The following BZW2 variants were observed in gnomAD, a reference collection of about 807,000 sequenced individuals.
The protein encoded by BZW2 is basic leucine zipper and W2 domains 2, also known as eIF5-mimic protein 1.
In BZW2, 23 loss-of-function variants were observed where a neutral mutation model predicts 53.2. The ratio of observed to expected loss-of-function variants is 0.43; its 90% confidence interval spans 0.31 to 0.61. BZW2 has a LOEUF of 0.61. Among genes scored for constraint, BZW2 ranks in the 20% least tolerant of loss-of-function variants. BZW2 has a pLI of 0.09. For missense variants in BZW2, 409 were observed against 503.1 expected (o/e 0.81, Z 1.79); for synonymous variants, 227 against 186.4 (o/e 1.22, Z -1.77).
intron 2 of BZW2, among the ~76,000 whole-genome samples, chr7:16,669,815 G>T (rs903615662): frequency 6.6e-6 from 1 of 152,150 alleles, no homozygotes; most frequent in Admixed American, 6.5e-5. Flanking sequence ...TGATTCACCA[G>T]CACAGTTTAA....
intron 1 of BZW2, among the ~76,000 whole-genome samples, chr7:16,651,884 T>C (rs1781991065): frequency 6.6e-6 from 1 of 152,218 alleles, no homozygotes; most frequent in Non-Finnish European, 1.5e-5. Flanking sequence ...TTAATATTTA[T>C]GCGCTACTCC....
intron 1 of BZW2, among the ~76,000 whole-genome samples, chr7:16,659,423 A>G (rs1029413191): frequency 6.6e-6 from 1 of 152,208 alleles, no homozygotes; most frequent in African/African-American, 2.4e-5. Flanking sequence ...TATTATAGGC[A>G]TATAGTTAGT....
intron 5 of BZW2, among the ~76,000 whole-genome samples, chr7:16,685,432 T>G (rs1192985666): frequency 6.6e-6 from 1 of 151,622 alleles, no homozygotes; most frequent in Non-Finnish European, 1.5e-5. Context: ...TTTGTTTGTG[T>G]GGGGCTTTTT....
intron 8 of BZW2, chr7:16,695,885 A>G (rs1783467099): frequency 6.6e-6 from 1 of 152,222 alleles, no homozygotes; most frequent in African/African-American, 2.4e-5. Flanking sequence ...GGATAGCAGT[A>G]TATTTAATCA....
chr7:16,656,106 T>C (rs767252073), intron 1 of BZW2, among the ~76,000 whole-genome samples: 2 of 151,098 alleles, frequency 1.3e-5, no homozygotes, highest in Non-Finnish European at 2.9e-5. Flanking sequence ...TATGTATATA[T>C]ACATATATAT....
At chr7:16,677,198 C>A (rs1782793072) in intron 3 of BZW2, among the ~76,000 whole-genome samples, 1 of 152,134 alleles carries the variant, frequency 6.6e-6, no homozygotes, top group African/African-American at 2.4e-5. Context: ...ACTGTGCTCT[C>A]AGGCAATAGA....
chr7:16,681,344 G>T lies in BZW2; in HGVS notation c.279G>T (p.Met93Ile). The change falls in exon 4 of 12, where the codon ATG becomes ATT. Residue 93 changes from methionine to isoleucine, a missense_variant. Met to Ile is a conservative substitution (Grantham distance 10). Coordinates refer to ENST00000258761, the MANE Select transcript of BZW2 (RefSeq NM_014038.3). ...TRIDDGDKTK[M>I]TNHCVFSANE... The stretch of plus-strand genomic sequence containing the variant: ...TAGATGATGGTGACAAGACCAAGAT[G>T]ACCAACCACTGTGTGTTTTCAGCAA... 1 of 1,613,970 alleles carries T rather than the reference G, an allele frequency of 6.2e-7. No homozygotes were observed. The highest frequency in any genetic ancestry group is 1.1e-5 in the South Asian group (1 of 91,036).
intron 10 of BZW2, among the ~76,000 whole-genome samples, chr7:16,704,067 A>G (rs911936117): frequency 1.3e-5 from 2 of 152,144 alleles, no homozygotes; most frequent in Non-Finnish European, 2.9e-5. Flanking sequence ...TCATTATTGC[A>G]TACTATCTAC....
chr7:16,660,867 C>A (rs529293264), intron 1 of BZW2, among the ~76,000 whole-genome samples: 1 of 152,064 alleles, frequency 6.6e-6, no homozygotes, highest in African/African-American at 2.4e-5. Context: ...GGGGTCCAAT[C>A]TGGTCCACCA....
At chr7:16,677,431 G>A (rs933459924) in intron 3 of BZW2, among the ~76,000 whole-genome samples, 4 of 152,118 alleles carry the variant, frequency 2.6e-5, no homozygotes, top group African/African-American at 9.7e-5. Context: ...AGTGCTGTTG[G>A]CGAGGTTGGC....
intron 3 of BZW2, among the ~76,000 whole-genome samples, chr7:16,676,949 C>T (rs939513157): frequency 1.3e-5 from 2 of 152,024 alleles, no homozygotes; most frequent in African/African-American, 4.8e-5. Flanking sequence ...TGGCTTCCAT[C>T]GTTAACCACC....
At chr7:16,685,313 C>A (rs532396835) in intron 5 of BZW2, among the ~76,000 whole-genome samples, 13 of 152,028 alleles carry the variant, frequency 8.6e-5, no homozygotes, top group Admixed American at 2.0e-4. Flanking sequence ...CCTAGAAAAC[C>A]CCTTTCTCCC....
At chr7:16,651,112 A>C (rs1236137424) in intron 1 of BZW2, among the ~76,000 whole-genome samples, 1 of 152,362 alleles carries the variant, frequency 6.6e-6, no homozygotes, top group East Asian at 1.9e-4. Context: ...TCCTTTGGCT[A>C]TCTTTAATTC....
chr7:16,668,796 G>A (rs570273533), intron 2 of BZW2, among the ~76,000 whole-genome samples: 67 of 152,078 alleles, frequency 4.4e-4, no homozygotes, highest in Non-Finnish European at 8.4e-4. Context: ...AAATACAAAC[G>A]TCATGGCAGG....
chr7:16,681,322 A>G lies in BZW2; in HGVS notation c.257A>G (p.Asp86Gly). The change falls in exon 4 of 12, where the codon GAT (aspartate) becomes GGT (glycine). Residue 86 changes from aspartate (D) to glycine (G), a missense_variant. Around this residue, in one of 3 missense-constraint regions of BZW2, gnomAD observed 316 missense variants for 366.8 expected, o/e 0.86. Transcript: ENST00000258761. ...SMLAPGGTRI[D>G]DGDKTKMTNH... ...TTAGCCCCTGGAGGAACGCGCATAG[A>G]TGATGGTGACAAGACCAAGATGACC... is the stretch of plus-strand genomic sequence containing the variant. 6.2e-7 allele frequency: 1 copy of G among 1,614,038 alleles called. No individual in the cohort carries two copies. Among genetic ancestry groups the G allele is most frequent in the Non-Finnish European group, 8.5e-7 (1 of 1,179,948 alleles).
In BZW2 at chr7:16,674,495, G is replaced by A. The variant is rs751795372; in HGVS notation, c.142G>A (p.Val48Ile). 1 of 1,613,554 alleles carries A rather than the reference G, an allele frequency of 6.2e-7. No homozygotes were observed. Among genetic ancestry groups the A allele is most frequent in the South Asian group, 1.1e-5 (1 of 90,998 alleles). The change falls in exon 3 of 12, where the codon GTA (valine) becomes ATA (isoleucine). Residue 48 changes from valine to isoleucine, a missense_variant. By Grantham distance (29) the Val-to-Ile change is conservative. Coordinates refer to ENST00000258761, the MANE Select transcript of BZW2 (RefSeq NM_014038.3). ...LNEAGDDLEA[V>I]AKFLDSTGSR... ...TGAGGCTGGTGATGACCTTGAAGCT[G>A]TAGCCAAATTTCTGGACTCTACAGG...
chr7:16,678,087 C>CTTTTTT (rs71007780), intron 3 of BZW2, among the ~76,000 whole-genome samples: 68 of 66,828 alleles, frequency 1.0e-3, no homozygotes, highest in East Asian at 2.2e-3. Context: ...TTCCATTGTT[C>CTTTTTT]TTTTTTTTTT....
intron 5 of BZW2, among the ~76,000 whole-genome samples, chr7:16,684,773 T>G (rs1236078609): frequency 2.0e-5 from 3 of 152,188 alleles, no homozygotes; most frequent in Non-Finnish European, 2.9e-5. Context: ...CTTTTTAATT[T>G]GTTGAGAATT....
chr7:16,701,456 A>C (rs540590762), intron 10 of BZW2, among the ~76,000 whole-genome samples: 2 of 152,146 alleles, frequency 1.3e-5, no homozygotes, highest in African/African-American at 4.8e-5. Flanking sequence ...AAAAAGGGTG[A>C]GTGCCCTTCT....
Sources: allele counts gnomAD v4.1 joint callset (sites outside exome capture counted in the v4.1 genomes callset), GRCh38; gene constraint gnomAD v4.1.1; regional missense constraint gnomAD v4.1.1; transcripts MANE v1.5; gene names NCBI Gene and HGNC (gene_info 2026-07-23, HGNC 2026-07-21).